PTPRT: variants seen among roughly 807,000 people sequenced by gnomAD.
The protein encoded by PTPRT is protein tyrosine phosphatase receptor type T.
Under a neutral mutation model 176.8 loss-of-function variants are expected in PTPRT, and 56 were observed. The observed-to-expected ratio is 0.32, with a 90% CI of 0.26 to 0.40. The LOEUF (loss-of-function observed/expected upper bound fraction) is 0.40, where lower values mean the gene tolerates loss of function less well. Ranked by LOEUF, PTPRT falls within the 10% of genes least tolerant of loss-of-function variation. The pLI is 1.00. For missense variants in PTPRT, 1,540 were observed against 1,908.2 expected (o/e 0.81, Z 3.60); for synonymous variants, 783 against 739.0 (o/e 1.06, Z -0.96).
At chr20:42,466,894 G>A (rs948111408) in intron 8 of PTPRT, among the ~76,000 whole-genome samples, 3 of 152,122 alleles carry the variant, frequency 2.0e-5, no homozygotes, top group Admixed American at 6.5e-5. Flanking sequence ...GAATATTTTT[G>A]TTGTGCCAGA....
the PTPRT span, among the ~76,000 whole-genome samples, chr20:42,036,234 C>G: frequency 1.1e-4 from 16 of 152,164 alleles, no homozygotes; most frequent in Non-Finnish European, 1.5e-5. Context: ...GAAACTGTCC[C>G]CAGAAGACTT....
At chr20:42,887,421 GT>G (rs1266531784) in intron 1 of PTPRT, among the ~76,000 whole-genome samples, 1 of 152,286 alleles carries the variant, frequency 6.6e-6, no homozygotes, top group South Asian at 2.1e-4. Flanking sequence ...ATACTTCCTA[GT>G]CCCCAGGACT....
chr20:42,175,934 C>G (rs1448179856), intron 16 of PTPRT, among the ~76,000 whole-genome samples: 1 of 152,166 alleles, frequency 6.6e-6, no homozygotes, highest in Non-Finnish European at 1.5e-5. Context: ...ACATCTCTGT[C>G]TGCCTCCATC....
chr20:42,466,999 G>A (rs570122906), intron 8 of PTPRT, among the ~76,000 whole-genome samples: 1 of 152,302 alleles, frequency 6.6e-6, no homozygotes, highest in East Asian at 1.9e-4. Flanking sequence ...GAGCATCACA[G>A]AGAATGGCAG....
At chr20:42,595,210 A>G (rs915864478) in intron 7 of PTPRT, among the ~76,000 whole-genome samples, 5 of 152,098 alleles carry the variant, frequency 3.3e-5, no homozygotes, top group African/African-American at 7.2e-5. Context: ...GAGATACTGC[A>G]TGCACCTCTA....
chr20:42,228,903 G>T (rs1433991390), intron 15 of PTPRT, among the ~76,000 whole-genome samples: 1 of 152,192 alleles, frequency 6.6e-6, no homozygotes, highest in Non-Finnish European at 1.5e-5. Flanking sequence ...TCATGAATTA[G>T]TAAGTCAATG....
chr20:42,772,524 CT>C (rs1375905466), intron 4 of PTPRT, among the ~76,000 whole-genome samples: 3 of 152,146 alleles, frequency 2.0e-5, no homozygotes, highest in Non-Finnish European at 4.4e-5. Flanking sequence ...CATCTCTTTC[CT>C]TTTTTGTGGA....
At chr20:42,308,298 C>A (rs2057575260) in intron 12 of PTPRT, among the ~76,000 whole-genome samples, 1 of 152,104 alleles carries the variant, frequency 6.6e-6, no homozygotes, top group Non-Finnish European at 1.5e-5. Flanking sequence ...AGAATCCTCT[C>A]TTGGGGTCTG....
At chr20:42,573,766 T>TG (rs2073204691) in intron 7 of PTPRT, among the ~76,000 whole-genome samples, 1 of 148,406 alleles carries the variant, frequency 6.7e-6, no homozygotes, top group African/African-American at 2.5e-5. Context: ...TTTTTTTTTT[T>TG]GAGATGGAGT....
At chr20:42,800,382 G>A (rs2077513377) in intron 2 of PTPRT, among the ~76,000 whole-genome samples, 1 of 152,152 alleles carries the variant, frequency 6.6e-6, no homozygotes, top group Admixed American at 6.5e-5. Context: ...GAGGGGTAAA[G>A]AATGGAAAGA....
At chr20:42,687,945 C>T (rs962500410) in intron 6 of PTPRT, 2 of 152,158 alleles carry the variant, frequency 1.3e-5, no homozygotes, top group African/African-American at 2.4e-5. Context: ...CATATCACAC[C>T]GGAAAGTAAG....
chr20:42,831,156 G>A (rs530712894), intron 2 of PTPRT, among the ~76,000 whole-genome samples: 33 of 152,254 alleles, frequency 2.2e-4, no homozygotes, highest in Admixed American at 6.5e-4. Flanking sequence ...AAATAAAACA[G>A]CACGGTATAG....
intron 9 of PTPRT, among the ~76,000 whole-genome samples, chr20:42,386,050 A>G (rs562816080): frequency 6.6e-6 from 1 of 152,364 alleles, no homozygotes; most frequent in African/African-American, 2.4e-5. Context: ...ATGCATACAC[A>G]TATATAAAGC....
intron 27 of PTPRT, among the ~76,000 whole-genome samples, chr20:42,097,813 G>T (rs561383749): frequency 2.0e-5 from 3 of 152,354 alleles, no homozygotes; most frequent in South Asian, 4.1e-4. Flanking sequence ...CCCTGGCATA[G>T]AAACTGTTCC....
At chr20:43,022,767 C>T (rs1226317313) in intron 1 of PTPRT, among the ~76,000 whole-genome samples, 3 of 152,148 alleles carry the variant, frequency 2.0e-5, no homozygotes, top group Non-Finnish European at 4.4e-5. Context: ...GGTAAAAAAG[C>T]ATAAGAACAC....
chr20:42,221,447 T>TA (rs1224091902), intron 15 of PTPRT, among the ~76,000 whole-genome samples: 1 of 152,062 alleles, frequency 6.6e-6, no homozygotes, highest in Non-Finnish European at 1.5e-5. Context: ...TCAGGAAACT[T>TA]ACAATCATGA....
chr20:42,158,272 G>C (rs184985819), intron 17 of PTPRT, among the ~76,000 whole-genome samples: 23 of 152,192 alleles, frequency 1.5e-4, no homozygotes, highest in Admixed American at 4.6e-4. Flanking sequence ...AGCTTCAGAA[G>C]GGCAAGAATC....
chr20:42,226,117 T>C (rs1366666525), intron 15 of PTPRT, among the ~76,000 whole-genome samples: 1 of 152,246 alleles, frequency 6.6e-6, no homozygotes, highest in Non-Finnish European at 1.5e-5. Flanking sequence ...CATTATTTTG[T>C]AACGTTTTAT....
In PTPRT at chr20:42,340,896, G is replaced by C. The variant is rs140661726; in HGVS notation, c.1865+9732C>G. ...GGAGAAGGCATCTTGCAAGGTCACC[G>C]AGTTCTTTCAAGGAGTTTCACCAGT... On this transcript the variant is annotated intron_variant, in intron 11 of 30. Coordinates refer to ENST00000373187, the MANE Select transcript of PTPRT (RefSeq NM_007050.6). Among the ~76,000 whole-genome samples the C allele has an allele frequency of 4.3e-3, 661 of 152,174 alleles. 2 individuals are homozygous for C. The highest frequency in any genetic ancestry group is 7.8e-3 in the Admixed American group (119 of 15,284).
Sources: allele counts gnomAD v4.1 joint callset (sites outside exome capture counted in the v4.1 genomes callset), GRCh38; gene constraint gnomAD v4.1.1; transcripts MANE v1.5; gene names NCBI Gene and HGNC (gene_info 2026-07-23, HGNC 2026-07-21).